The following SNTG2 variants were observed in gnomAD, a reference collection of about 807,000 sequenced individuals.
SNTG2 encodes syntrophin gamma 2.
SNTG2 carries 74 observed loss-of-function variants against 70.9 expected under a neutral mutation model. That is an observed-to-expected ratio of 1.04 (90% confidence interval 0.86 to 1.27). The LOEUF (loss-of-function observed/expected upper bound fraction) is 1.27. Among genes scored for constraint, SNTG2 ranks in the 50% most tolerant of loss-of-function variants. The pLI, the probability that SNTG2 is intolerant of heterozygous loss-of-function variation, is 0.00. For synonymous variants in SNTG2, 278 were observed against 273.8 expected (o/e 1.02, Z -0.15); for missense variants, 717 against 690.7 (o/e 1.04, Z -0.43).
intron 1 of SNTG2, among the ~76,000 whole-genome samples, chr2:976,334 A>G (rs1293203853): frequency 6.6e-6 from 1 of 152,226 alleles, no homozygotes; most frequent in Admixed American, 6.5e-5. Flanking sequence ...GAGAAACACG[A>G]GCCAGCACGC....
At chr2:1,238,103 A>T (rs1676803311) in intron 10 of SNTG2, 86 bp downstream of exon 10, 1 of 1,472,130 alleles carries the variant, frequency 6.8e-7, no homozygotes, top group South Asian at 1.3e-5. Context: ...ATGATTTATG[A>T]TTAACCCGAA....
chr2:1,004,631 C>T (rs561585973), intron 1 of SNTG2, among the ~76,000 whole-genome samples: 14 of 152,306 alleles, frequency 9.2e-5, no homozygotes, highest in South Asian at 2.1e-4. Context: ...CCACTGTTAG[C>T]TGGCTAAAAT....
In SNTG2 at chr2:1,165,593, G is replaced by T. The variant is rs1466779285; in HGVS notation, c.457G>T (p.Glu153Ter). Residue 153 changes from glutamate to a stop codon, truncating the protein, a stop_gained, in exon 7 of 17, where the codon GAG becomes TAG. Coordinates refer to ENST00000308624, the MANE Select transcript of SNTG2 (RefSeq NM_018968.4). LOFTEE classifies it high-confidence loss of function. ...NAGDEVTITV[E>*]YLREAPAFLK... Reference sequence around the variant, plus strand: ...TGGCGATGAAGTTACCATCACCGTTGAGTATCTCAGGGAAGCGCCGGCATT... The same window carrying T: ...TGGCGATGAAGTTACCATCACCGTTTAGTATCTCAGGGAAGCGCCGGCATT... 3 of 1,613,142 alleles carry T rather than the reference G, an allele frequency of 1.9e-6. No individual in the cohort carries two copies. The highest frequency in any genetic ancestry group is 1.7e-6 in the Non-Finnish European group (2 of 1,179,644).
At chr2:998,204 C>T (rs1159742737) in intron 1 of SNTG2, among the ~76,000 whole-genome samples, 1 of 152,042 alleles carries the variant, frequency 6.6e-6, no homozygotes, top group African/African-American at 2.4e-5. Context: ...CATAGTTTAT[C>T]TAGTTGAGAA....
intron 8 of SNTG2, among the ~76,000 whole-genome samples, chr2:1,207,848 G>C (rs955601812): frequency 6.6e-6 from 1 of 152,174 alleles, no homozygotes; most frequent in Non-Finnish European, 1.5e-5. Context: ...GAGGAGACTT[G>C]GGGTGGATAG....
chr2:1,065,478 T>C (rs1037101877), intron 1 of SNTG2, among the ~76,000 whole-genome samples: 10 of 152,182 alleles, frequency 6.6e-5, no homozygotes, highest in African/African-American at 2.4e-4. Context: ...GTCAAACGAG[T>C]AAATTTCTTA....
chr2:1,301,290 G>A (rs1353251229), intron 14 of SNTG2, among the ~76,000 whole-genome samples: 6 of 152,212 alleles, frequency 3.9e-5, no homozygotes, highest in East Asian at 1.9e-4. Context: ...TGCTTACCCC[G>A]CGCCCTGCTG....
chr2:977,008 G>A (rs1217332202), intron 1 of SNTG2, among the ~76,000 whole-genome samples: 2 of 152,176 alleles, frequency 1.3e-5, no homozygotes, highest in Non-Finnish European at 2.9e-5. Flanking sequence ...GGAGGTGGCA[G>A]CCCCACCTGG....
chr2:1,129,058 G>A (rs547077575), intron 4 of SNTG2, among the ~76,000 whole-genome samples: 8 of 152,188 alleles, frequency 5.3e-5, no homozygotes, highest in South Asian at 2.1e-4. Flanking sequence ...CAGAGGAATC[G>A]ACCTCGAATA....
chr2:1,008,678 T>A (rs1390376645), intron 1 of SNTG2, among the ~76,000 whole-genome samples: 1 of 152,244 alleles, frequency 6.6e-6, no homozygotes, highest in Admixed American at 6.5e-5. Context: ...TATTGATGTT[T>A]TAGTTATAGT....
Position 1,097,768 on chromosome 2 carries a change from G to T in SNTG2, c.211-428G>T, listed in dbSNP as rs748715244. 6.6e-6 allele frequency among the ~76,000 whole-genome samples: 1 copy of T among 152,058 alleles called. No homozygotes were observed. The highest frequency in any genetic ancestry group is 1.5e-5 in the Non-Finnish European group (1 of 68,018). On this transcript the variant is annotated intron_variant, in intron 2 of 16. Transcript: ENST00000308624. The surrounding 1 kb of genome is among the most constrained non-coding windows in gnomAD (Gnocchi z 4.1). ...ATTGTCCTAAACACGGCTGACTTCA[G>T]CAGAGACGTACAGTGAAGCGTGAGC...
chr2:964,462 CCTT>C, intron 1 of SNTG2, among the ~76,000 whole-genome samples: 1 of 152,298 alleles, frequency 6.6e-6, no homozygotes, highest in East Asian at 1.9e-4. Flanking sequence ...CCAAACAAAT[CCTT>C]CTCATCCATA....
chr2:1,039,334 G>A (rs79340515), intron 1 of SNTG2, among the ~76,000 whole-genome samples: 174 of 152,214 alleles, frequency 1.1e-3, no homozygotes, highest in African/African-American at 3.9e-3. Flanking sequence ...TTTAAATACC[G>A]TTTAAGCAGG....
chr2:1,188,119 A>T (rs986044843), intron 8 of SNTG2, among the ~76,000 whole-genome samples: 8 of 152,254 alleles, frequency 5.3e-5, no homozygotes, highest in Admixed American at 5.2e-4. Flanking sequence ...AAACAGACAC[A>T]GCGTGCTGAA....
At chr2:1,316,747 G>T (rs34758539) in intron 16 of SNTG2, among the ~76,000 whole-genome samples, 6 of 54,034 alleles carry the variant, frequency 1.1e-4, no homozygotes, top group Admixed American at 2.1e-4. Context: ...TAGCATCAGG[G>T]CAGCATTGGA....
chr2:1,205,880 T>C (rs138382711), intron 8 of SNTG2, among the ~76,000 whole-genome samples: 1 of 152,322 alleles, frequency 6.6e-6, no homozygotes, highest in African/African-American at 2.4e-5. Context: ...GTCAGTCACA[T>C]ATAAATGCTA....
chr2:1,051,407 G>A (rs769050625), intron 1 of SNTG2, among the ~76,000 whole-genome samples: 9 of 152,076 alleles, frequency 5.9e-5, no homozygotes, highest in Non-Finnish European at 1.3e-4. Context: ...AAAGGCTTTA[G>A]GTAACAACAT....
chr2:1,055,031 G>A (rs1662303415), intron 1 of SNTG2, among the ~76,000 whole-genome samples: 1 of 151,654 alleles, frequency 6.6e-6, no homozygotes, highest in African/African-American at 2.4e-5. Flanking sequence ...TATCCAGCCT[G>A]CGTCAGGTAC....
At chr2:1,358,109 T>C (rs1660949515) in intron 16 of SNTG2, among the ~76,000 whole-genome samples, 1 of 152,128 alleles carries the variant, frequency 6.6e-6, no homozygotes, top group Admixed American at 6.5e-5. Flanking sequence ...TCAGGTCTCC[T>C]TTCCTCTACT....
Sources: allele counts gnomAD v4.1 joint callset (sites outside exome capture counted in the v4.1 genomes callset), GRCh38; gene constraint gnomAD v4.1.1; non-coding constraint Gnocchi (gnomAD v3.1); transcripts MANE v1.5; gene names NCBI Gene and HGNC (gene_info 2026-07-23, HGNC 2026-07-21).